The following BOC variants were observed in gnomAD, a reference collection of about 807,000 sequenced individuals.
BOC encodes brother of CDO.
In BOC, 76 loss-of-function variants were observed where a neutral mutation model predicts 112.0. That is an observed-to-expected ratio of 0.68 (90% confidence interval 0.56 to 0.82). BOC has a LOEUF of 0.82. BOC is among the 40% of genes least tolerant of loss of function. The pLI is 0.00. For missense variants in BOC, 1,309 were observed against 1,511.7 expected (o/e 0.87, Z 2.22); for synonymous variants, 580 against 599.8 (o/e 0.97, Z 0.48).
intron 4 of BOC, among the ~76,000 whole-genome samples, chr3:113,256,139 A>G (rs139768214): frequency 1.3e-5 from 2 of 152,192 alleles, no homozygotes; most frequent in Non-Finnish European, 2.9e-5. Flanking sequence ...TGTGGTTGTC[A>G]AACATTTCTG....
At position 113,278,163 on chromosome 3, in the gene BOC, C is replaced by T. The variant is rs552331409; in HGVS notation, c.1611C>T (p.Leu537=). The stretch of plus-strand genomic sequence containing the variant: ...CAGCCAACCAGCACCGCCTGACCCT[C>T]ACCAGACTTGACCCCGGGAGCTTGT... ...GIPANQHRLT[L]TRLDPGSLYE... is the part of the protein sequence containing the mutation. The change falls in exon 10 of 20, where the codon CTC becomes CTT. Residue 537 remains leucine, a synonymous_variant. Transcript: ENST00000682979. The surrounding 1 kb of genome is among the most constrained non-coding windows in gnomAD (Gnocchi z 4.2). 1.6e-4 allele frequency: 255 copies of T among 1,614,262 alleles called. 4 individuals are homozygous for T. The South Asian group carries it at 2.8e-3, about 18-fold the overall frequency.
chr3:113,225,043 C>T (rs992175165), intron 2 of BOC, among the ~76,000 whole-genome samples: 1 of 152,136 alleles, frequency 6.6e-6, no homozygotes, highest in African/African-American at 2.4e-5. Context: ...CACCACTGCA[C>T]TCCAGCCTGG....
intron 2 of BOC, among the ~76,000 whole-genome samples, chr3:113,240,053 T>C (rs1944086549): frequency 6.6e-6 from 1 of 152,182 alleles, no homozygotes; most frequent in East Asian, 1.9e-4. Flanking sequence ...CCGGATAGCA[T>C]TTCAGATAAC....
At position 113,286,968 on chromosome 3, in the gene BOC, T is replaced by C. The variant is rs1449001612; in HGVS notation, c.*106T>C. 1 of 1,049,316 alleles carries C rather than the reference T, an allele frequency of 9.5e-7. No homozygotes were observed. Among genetic ancestry groups the C allele is most frequent in the Non-Finnish European group, 1.4e-6 (1 of 722,734 alleles). 65.0% of individuals were successfully genotyped at this position (1,049,316 alleles called of 1,614,324 possible). A position where few individuals can be genotyped will look rare whatever the true frequency, so the allele number is the denominator to read the frequency against. ...GGTATTTATTTTTCTATTATAGCCATATTTATATATTTATGCACTTGTAAA... is the reference window on the plus strand; with the variant it reads ...GGTATTTATTTTTCTATTATAGCCACATTTATATATTTATGCACTTGTAAA... On this transcript the variant is annotated 3_prime_UTR_variant, in exon 20 of 20. Transcript: ENST00000682979.
intron 9 of BOC, among the ~76,000 whole-genome samples, chr3:113,277,725 G>C (rs1948799588): frequency 6.6e-6 from 1 of 152,224 alleles, no homozygotes; most frequent in Non-Finnish European, 1.5e-5. Context: ...TAAGCAGAGG[G>C]AACTGCATTT....
At chr3:113,216,358 T>C (rs112280579) in intron 2 of BOC, 84 bp downstream of exon 2, 75 of 439,690 alleles carry the variant, frequency 1.7e-4, no homozygotes, top group Middle Eastern at 6.6e-4. Flanking sequence ...CACTTAGAGA[T>C]AGTTTTTCTC....
intron 14 of BOC, 41 bp from the exon 15 acceptor site, chr3:113,280,990 A>G (rs1428764798): frequency 1.2e-6 from 2 of 1,610,046 alleles, no homozygotes; most frequent in Non-Finnish European, 1.7e-6. Context: ...AGAAAACCAT[A>G]TACACATTGC....
chr3:113,280,952 G>A, intron 14 of BOC, 79 bp from the exon 15 acceptor site: 1 of 1,570,352 alleles, frequency 6.4e-7, no homozygotes, highest in Non-Finnish European at 8.7e-7. Context: ...CACTGCCCCA[G>A]CTGAGTCTGA....
intron 14 of BOC, 81 bp downstream of exon 14, chr3:113,280,744 C>A: frequency 8.3e-7 from 1 of 1,210,740 alleles, no homozygotes; most frequent in Non-Finnish European, 1.2e-6. Flanking sequence ...TTGGTGAAAT[C>A]TGGTGAAGCA....
chr3:113,243,594 C>T (rs556680535), intron 2 of BOC, among the ~76,000 whole-genome samples: 3 of 152,282 alleles, frequency 2.0e-5, no homozygotes, highest in East Asian at 1.9e-4. Context: ...CTCAGGCGGT[C>T]GTAGGATTAG....
At chr3:113,227,977 C>A (rs1941945301) in intron 2 of BOC, among the ~76,000 whole-genome samples, 1 of 151,930 alleles carries the variant, frequency 6.6e-6, no homozygotes, top group Admixed American at 6.6e-5. Flanking sequence ...AGTCTGTAAT[C>A]CAGCTTTTCT....
intron 4 of BOC, among the ~76,000 whole-genome samples, chr3:113,255,728 G>T (rs1299494344): frequency 6.6e-6 from 1 of 152,188 alleles, no homozygotes; most frequent in African/African-American, 2.4e-5. Context: ...TCTGGCATCA[G>T]AGATCAGCAG....
chr3:113,225,476 C>T (rs1941511338), intron 2 of BOC, among the ~76,000 whole-genome samples: 1 of 152,188 alleles, frequency 6.6e-6, no homozygotes, highest in African/African-American at 2.4e-5. Flanking sequence ...TCCACACCAC[C>T]TCCCCCTCTG....
chr3:113,227,957 T>C (rs1941943744), intron 2 of BOC, among the ~76,000 whole-genome samples: 1 of 152,108 alleles, frequency 6.6e-6, no homozygotes, highest in Non-Finnish European at 1.5e-5. Context: ...AGGTTACTCT[T>C]TCCAAAAGAA....
chr3:113,228,997 G>T (rs1942145802), intron 2 of BOC, among the ~76,000 whole-genome samples: 1 of 152,224 alleles, frequency 6.6e-6, no homozygotes, highest in Non-Finnish European at 1.5e-5. Flanking sequence ...CAGAAGTTAA[G>T]ACACAAGATG....
chr3:113,241,879 G>C (rs1576386163), intron 2 of BOC, among the ~76,000 whole-genome samples: 1 of 152,140 alleles, frequency 6.6e-6, no homozygotes, highest in East Asian at 1.9e-4. Flanking sequence ...AAGCAAGGAG[G>C]GGGGTGCCAT....
intron 2 of BOC, among the ~76,000 whole-genome samples, chr3:113,217,061 C>T (rs1054067007): frequency 6.6e-6 from 1 of 152,200 alleles, no homozygotes; most frequent in African/African-American, 2.4e-5. Flanking sequence ...CGCCTTCATC[C>T]TTTCAACAAT....
intron 2 of BOC, among the ~76,000 whole-genome samples, chr3:113,223,562 A>G (rs1941123729): frequency 6.6e-6 from 1 of 152,218 alleles, no homozygotes. Flanking sequence ...ATCATACAGA[A>G]TAATAGTTTC....
intron 2 of BOC, 71 bp from the exon 3 acceptor site, chr3:113,249,651 C>T (rs1234260007): frequency 3.4e-6 from 2 of 593,460 alleles, no homozygotes; most frequent in East Asian, 3.1e-5. Context: ...AAGCCAAGCC[C>T]TGTGGCCACC....
Sources: allele counts gnomAD v4.1 joint callset (sites outside exome capture counted in the v4.1 genomes callset), GRCh38; gene constraint gnomAD v4.1.1; non-coding constraint Gnocchi (gnomAD v3.1); transcripts MANE v1.5; gene names NCBI Gene and HGNC (gene_info 2026-07-23, HGNC 2026-07-21).